Variants in RBM45 observed in about 807,000 individuals in gnomAD.
The protein encoded by RBM45 is RNA-binding protein 45.
A neutral mutation model predicts 58.5 loss-of-function variants in RBM45; 39 were observed. The observed-to-expected ratio is 0.67, with a 90% confidence interval of 0.52 to 0.87. The LOEUF is 0.87. Ranked by LOEUF, RBM45 falls within the 40% of genes least tolerant of loss-of-function variation. The pLI is 0.00. For missense variants in RBM45, 481 were observed against 581.6 expected (o/e 0.83, Z 1.78); for synonymous variants, 193 against 203.0 (o/e 0.95, Z 0.42).
intron 1 of RBM45, among the ~76,000 whole-genome samples, chr2:178,115,867 T>C (rs2087766665): frequency 6.6e-6 from 1 of 152,176 alleles, no homozygotes; most frequent in African/African-American, 2.4e-5. Flanking sequence ...AAAAAGTCAT[T>C]GCAGGCCCAG....
At chr2:178,131,365 T>C (rs563116237), downstream of RBM45, among the ~76,000 whole-genome samples, 2 of 152,362 alleles carry the variant, frequency 1.3e-5, no homozygotes, top group South Asian at 2.1e-4. Flanking sequence ...ACCTCCTACC[T>C]GAGTCCATTG....
intron 8 of RBM45, 45 bp downstream of exon 8, chr2:178,124,335 TTTAA>T (rs1371146244): frequency 8.2e-7 from 1 of 1,226,400 alleles, no homozygotes; most frequent in East Asian, 2.5e-5. Flanking sequence ...ACACTAGTAA[TTTAA>T]TTATTCTTAT....
At chr2:178,126,503 T>A (rs202246922) in intron 9 of RBM45, among the ~76,000 whole-genome samples, 1 of 151,590 alleles carries the variant, frequency 6.6e-6, no homozygotes, top group Non-Finnish European at 1.5e-5. Flanking sequence ...AGGATTGCTT[T>A]AAAAAAAAAT....
downstream of RBM45, among the ~76,000 whole-genome samples, chr2:178,130,393 T>C (rs2087993895): frequency 6.6e-6 from 1 of 151,964 alleles, no homozygotes; most frequent in Admixed American, 6.6e-5. Flanking sequence ...GGCGTGGTGG[T>C]GTGTGCCTGC....
At chr2:178,123,125 A>G (rs182682107) in intron 5 of RBM45, among the ~76,000 whole-genome samples, 2 of 152,204 alleles carry the variant, frequency 1.3e-5, no homozygotes, top group Non-Finnish European at 2.9e-5. Flanking sequence ...TTCAACTATC[A>G]CTTCTCATTT....
At chr2:178,138,900 C>T (rs1051201975) in exon 4 of RBM45, 1 of 151,752 alleles carries the variant, frequency 6.6e-6, no homozygotes, top group Admixed American at 6.6e-5. Context: ...AAATCCTTCT[C>T]TTTTGTAAAG....
chr2:178,124,258 T>G lies in RBM45; in HGVS notation c.1200T>G (p.Pro400=). The change falls in exon 8 of 10, where the codon CCT becomes CCG. Residue 400 remains proline, a synonymous_variant. Coordinates refer to ENST00000286070, the MANE Select transcript of RBM45 (RefSeq NM_152945.4). ...TTTTTATTGTGTTTAATCCTCATCC[T>G]TTACCTTTAGACGTATTAGAAGATA... ...ERLFIVFNPH[P]LPLDVLEDIF... The G allele has an allele frequency of 6.3e-7, 1 of 1,588,548 alleles. No individual in the cohort carries two copies. The highest frequency in any genetic ancestry group is 8.6e-7 in the Non-Finnish European group (1 of 1,166,898).
chr2:178,114,801 T>C (rs979732488), intron 1 of RBM45, among the ~76,000 whole-genome samples: 7 of 152,132 alleles, frequency 4.6e-5, no homozygotes, highest in Non-Finnish European at 1.0e-4. Context: ...CTCACTATGT[T>C]GCCTAAGCAG....
At chr2:178,115,514 C>G (rs562562351) in intron 1 of RBM45, among the ~76,000 whole-genome samples, 1 of 152,250 alleles carries the variant, frequency 6.6e-6, no homozygotes, top group East Asian at 1.9e-4. Flanking sequence ...TGGTGCTTGA[C>G]ATATAGTATA....
Position 178,125,305 on chromosome 2 carries a change from T to C in RBM45, c.1233-679T>C, listed in dbSNP as rs562509353. 5.3e-5 allele frequency among the ~76,000 whole-genome samples: 8 copies of C among 152,314 alleles called. No individual in the cohort carries two copies. In the South Asian group the frequency reaches 1.7e-3, roughly 32 times the overall value. ...TCTTGTCCTCTTAGAGCTGATCTCA[T>C]GTAGGAAACAGACAAGTAAACAGAA... On this transcript the variant is annotated intron_variant, in intron 8 of 9. Coordinates refer to ENST00000286070, the MANE Select transcript of RBM45 (RefSeq NM_152945.4).
intron 1 of RBM45, among the ~76,000 whole-genome samples, 154 bp from the exon 2 acceptor site, chr2:178,116,108 C>T (rs1415611083): frequency 6.6e-6 from 1 of 151,904 alleles, no homozygotes; most frequent in African/African-American, 2.4e-5. Context: ...GCCATGATCA[C>T]ACCACTGCAC....
At chr2:178,120,059 C>CA (rs2087828446) in intron 3 of RBM45, among the ~76,000 whole-genome samples, 1 of 152,112 alleles carries the variant, frequency 6.6e-6, no homozygotes, top group South Asian at 2.1e-4. Context: ...CATAGAATTG[C>CA]TGATCTTTCA....
chr2:178,137,937 A>T (rs1485309102), exon 4 of RBM45: 2 of 152,190 alleles, frequency 1.3e-5, no homozygotes, highest in Non-Finnish European at 2.9e-5. Flanking sequence ...TAGAACAAAA[A>T]ATATTAGAAA....
chr2:178,130,751 G>A (rs113787530), downstream of RBM45, among the ~76,000 whole-genome samples: 9 of 152,258 alleles, frequency 5.9e-5, no homozygotes, highest in African/African-American at 1.9e-4. Context: ...TGACTCAAAC[G>A]ATGAAAGATT....
intron 9 of RBM45, among the ~76,000 whole-genome samples, chr2:178,127,433 G>A (rs1322530260): frequency 6.6e-6 from 1 of 152,148 alleles, no homozygotes; most frequent in African/African-American, 2.4e-5. Context: ...TAGCACGTAT[G>A]AGAATGATTC....
rs201327340 is a variant in RBM45 at position 178,112,598 on chromosome 2, G to T, written c.52G>T (p.Asp18Tyr). The T allele has an allele frequency of 6.1e-5, 98 of 1,613,364 alleles. 2 individuals are homozygous for T. Among genetic ancestry groups the T allele is most frequent in the Admixed American group, 3.2e-4 (19 of 60,012 alleles). The change falls in exon 1 of 10, where the codon GAC (aspartate) becomes TAC (tyrosine). Residue 18 changes from aspartate to tyrosine, a missense_variant. Physicochemically the swap from Asp to Tyr is radical, Grantham distance 160 (BLOSUM62 -3). Coordinates refer to ENST00000286070, the MANE Select transcript of RBM45 (RefSeq NM_152945.4). Reference sequence around the variant, plus strand: ...CGGCGGGGGCTTCCGCCCGGGCGTGGACAGCCTGGACGAACCGCCCAACAG... The same window carrying T: ...CGGCGGGGGCTTCCGCCCGGGCGTGTACAGCCTGGACGAACCGCCCAACAG... ...ASGGGFRPGV[D>Y]SLDEPPNSRI...
Position 178,121,101 on chromosome 2 carries a change from T to G in RBM45, c.674-79T>G, listed in dbSNP as rs2087844134. ...CCTTTATTCAGTACAATGGACTCTGTTTTCTAGTATTTAAAATGTTAAGCG... is the reference window on the plus strand; with the variant it reads ...CCTTTATTCAGTACAATGGACTCTGGTTTCTAGTATTTAAAATGTTAAGCG... On this transcript the variant is annotated intron_variant, in intron 4 of 9. Transcript: ENST00000286070. 15 of 709,120 alleles carry G rather than the reference T, an allele frequency of 2.1e-5. No individual in the cohort carries two copies. The South Asian group carries it at 2.9e-4, about 14-fold the overall frequency. 43.9% of individuals were successfully genotyped at this position (709,120 alleles called of 1,614,324 possible). A position where few individuals can be genotyped will look rare whatever the true frequency, so the allele number is the denominator to read the frequency against.
rs576069025 is a variant in RBM45 at position 178,116,085 on chromosome 2, G to A, written c.301-177G>A. On this transcript the variant is annotated intron_variant, in intron 1 of 9. Coordinates refer to ENST00000286070, the MANE Select transcript of RBM45 (RefSeq NM_152945.4). ...GAGGATCACTTGAGCCTAGAATGTT[G>A]AGACTGCCGTGAGCCATGATCACAC... 1.2e-4 allele frequency among the ~76,000 whole-genome samples: 19 copies of A among 152,038 alleles called. 1 individual carries two copies. The highest frequency in any genetic ancestry group is 3.1e-4 in the African/African-American group (13 of 41,494).
At chr2:178,137,186 A>G (rs1039308844) in exon 4 of RBM45, 1 of 152,204 alleles carries the variant, frequency 6.6e-6, no homozygotes, top group Non-Finnish European at 1.5e-5. Flanking sequence ...GCTCATTAAA[A>G]CTACAATAAG....
Sources: allele counts gnomAD v4.1 joint callset (sites outside exome capture counted in the v4.1 genomes callset), GRCh38; gene constraint gnomAD v4.1.1; transcripts MANE v1.5; gene names NCBI Gene and HGNC (gene_info 2026-07-23, HGNC 2026-07-21).